KCNQ5: variants seen among roughly 807,000 people sequenced by gnomAD.
KCNQ5 encodes potassium voltage-gated channel subfamily Q member 5, also known as potassium voltage-gated channel subfamily KQT member 5.
In KCNQ5, 30 loss-of-function variants were observed where a neutral mutation model predicts 98.2. That is an observed-to-expected ratio of 0.31 (90% CI 0.23 to 0.41). KCNQ5 has a LOEUF of 0.41. Ranked by LOEUF, KCNQ5 falls within the 10% of genes least tolerant of loss-of-function variation. The probability of loss-of-function intolerance (pLI) is 1.00; values close to 1 mark genes in which losing one functional copy is unlikely to be tolerated. For synonymous variants in KCNQ5, 458 were observed against 449.4 expected (o/e 1.02, Z -0.24); for missense variants, 835 against 1,182.5 (o/e 0.71, Z 4.31).
intron 2 of KCNQ5, 26 bp from the exon 3 acceptor site, chr6:73,041,910 C>G: frequency 6.2e-7 from 1 of 1,613,464 alleles, no homozygotes; most frequent in Non-Finnish European, 8.5e-7. Context: ...ATGCTTCTCT[C>G]TGATATGTCT....
chr6:72,678,995 A>G (rs998401132), intron 1 of KCNQ5, among the ~76,000 whole-genome samples: 2 of 152,232 alleles, frequency 1.3e-5, no homozygotes, highest in African/African-American at 4.8e-5. Context: ...TTATGAAACT[A>G]TGGAAACCAA....
chr6:72,622,541 G>T lies in KCNQ5; in HGVS notation c.352G>T (p.Val118Leu). 6.2e-7 allele frequency: 1 copy of T among 1,611,876 alleles called. No homozygotes were observed. The highest frequency in any genetic ancestry group is 1.1e-5 in the South Asian group (1 of 90,968). ...YRRVQNYLYN[V>L]LERPRGWAFI... ...GCGGGTGCAGAACTACCTGTACAAC[G>T]TGCTGGAGAGACCCCGCGGCTGGGC... The change falls in exon 1 of 14, where the codon GTG (valine) becomes TTG (leucine). Residue 118 changes from valine (V) to leucine (L), a missense_variant. Physicochemically the swap from Val to Leu is conservative, Grantham distance 32. Around this residue, in one of 10 missense-constraint regions of KCNQ5, gnomAD observed 19 missense variants for 29.6 expected, o/e 0.64. Coordinates refer to ENST00000370398, the MANE Select transcript of KCNQ5 (RefSeq NM_019842.4). This position sits in a 1 kb window ranked among gnomAD's most constrained non-coding sequence, Gnocchi z 6.0.
chr6:73,141,823 C>T (rs762247432), intron 10 of KCNQ5, among the ~76,000 whole-genome samples: 34 of 152,210 alleles, frequency 2.2e-4, no homozygotes, highest in Non-Finnish European at 4.3e-4. Flanking sequence ...AATCTGAATG[C>T]TGTATTAGTT....
At chr6:73,063,737 A>AGATAGAT (rs1772926712) in intron 3 of KCNQ5, among the ~76,000 whole-genome samples, 1 of 122,612 alleles carries the variant, frequency 8.2e-6, no homozygotes. Context: ...ATAGATAGAT[A>AGATAGAT]GATAGATAGA....
At chr6:72,666,426 C>A (rs1766818949) in intron 1 of KCNQ5, among the ~76,000 whole-genome samples, 1 of 152,146 alleles carries the variant, frequency 6.6e-6, no homozygotes. Context: ...AACTGAATGA[C>A]TTAAAAATGA....
intron 7 of KCNQ5, among the ~76,000 whole-genome samples, 192 bp downstream of exon 7, chr6:73,111,595 C>T (rs1562185419): frequency 6.6e-6 from 1 of 152,188 alleles, no homozygotes; most frequent in African/African-American, 2.4e-5. Flanking sequence ...CAAACTGAAA[C>T]ACATGTATTT....
At chr6:73,043,386 T>C (rs3798465) in intron 3 of KCNQ5, 36,227 of 159,280 alleles carry the variant, frequency 0.23, 6,273 homozygotes, top group African/African-American at 0.47. Context: ...TCTCCAATAA[T>C]AGGCTTTACT....
intron 1 of KCNQ5, among the ~76,000 whole-genome samples, chr6:72,724,918 G>A (rs997373736): frequency 2.6e-5 from 4 of 152,142 alleles, no homozygotes; most frequent in African/African-American, 9.7e-5. Flanking sequence ...AGAAATACAA[G>A]TCATATATTA....
chr6:73,185,826 T>C (rs1362959385), intron 11 of KCNQ5, among the ~76,000 whole-genome samples: 5 of 152,204 alleles, frequency 3.3e-5, no homozygotes, highest in East Asian at 3.8e-4. Flanking sequence ...GCAGTGGAGA[T>C]GCAAATGAGG....
At chr6:73,032,791 C>A (rs1771209539) in intron 2 of KCNQ5, among the ~76,000 whole-genome samples, 1 of 151,686 alleles carries the variant, frequency 6.6e-6, no homozygotes, top group South Asian at 2.1e-4. Context: ...AAACCTCAAA[C>A]CAATTAAGGT....
intron 5 of KCNQ5, among the ~76,000 whole-genome samples, chr6:73,089,092 C>T (rs1201062055): frequency 6.6e-6 from 1 of 152,210 alleles, no homozygotes; most frequent in Non-Finnish European, 1.5e-5. Context: ...ACCCATAGGG[C>T]TTTCATTCCT....
At position 72,867,069 on chromosome 6, in the gene KCNQ5, T is replaced by G. The variant is rs578135398; in HGVS notation, c.399-136839T>G. On this transcript the variant is annotated intron_variant, in intron 1 of 13. Coordinates refer to ENST00000370398, the MANE Select transcript of KCNQ5 (RefSeq NM_019842.4). Reference sequence around the variant, plus strand: ...AGAGGCTCACCTATTAGTTTAATAGTTCAGTGATAAGTATATGTGTATACA... The same window carrying G: ...AGAGGCTCACCTATTAGTTTAATAGGTCAGTGATAAGTATATGTGTATACA... Among the ~76,000 whole-genome samples the G allele has an allele frequency of 2.6e-4, 39 of 152,302 alleles. 1 individual carries two copies. The South Asian group carries it at 7.7e-3, about 30-fold the overall frequency.
chr6:73,046,928 C>T (rs545184324), intron 3 of KCNQ5, among the ~76,000 whole-genome samples: 1 of 152,234 alleles, frequency 6.6e-6, no homozygotes, highest in South Asian at 2.1e-4. Flanking sequence ...CAAGTGTGAG[C>T]CACCACGCCT....
intron 3 of KCNQ5, among the ~76,000 whole-genome samples, chr6:73,051,619 C>T (rs1772239110): frequency 6.6e-6 from 1 of 150,582 alleles, no homozygotes; most frequent in Non-Finnish European, 1.5e-5. Flanking sequence ...AGCCTTACCC[C>T]CTAAATTCTT....
chr6:72,648,712 A>AT (rs1229028153), intron 1 of KCNQ5, among the ~76,000 whole-genome samples: 32 of 151,952 alleles, frequency 2.1e-4, no homozygotes, highest in Non-Finnish European at 3.5e-4. Context: ...GAATATTTAA[A>AT]TTTTTTTAAA....
At chr6:72,917,454 TTTTTATTTTATTTTA>T (rs199931952) in intron 1 of KCNQ5, among the ~76,000 whole-genome samples, 3 of 147,762 alleles carry the variant, frequency 2.0e-5, no homozygotes, top group East Asian at 2.0e-4. Flanking sequence ...TTTATTTTTA[TTTTTATTTTATTTTA>T]TTTTATTTTA....
chr6:73,043,222 T>G (rs749573812), intron 3 of KCNQ5: 24 of 318,106 alleles, frequency 7.5e-5, no homozygotes, highest in Non-Finnish European at 1.3e-4. Context: ...AGTATGCACA[T>G]CTCAAAAGTC....
chr6:73,133,616 T>C lies in KCNQ5; in HGVS notation c.1443T>C (p.Ser481=). 1 of 1,614,182 alleles carries C rather than the reference T, an allele frequency of 6.2e-7. No individual in the cohort carries two copies. Among genetic ancestry groups the C allele is most frequent in the East Asian group, 2.2e-5 (1 of 44,886 alleles). ...TRFRPSLRLK[S]SQPKPVIDAD... ...TCCGGCCCTCGCTGCGCCTCAAAAGTTCTCAGCCAAAACCAGTGATAGATG... is the reference window on the plus strand; with the variant it reads ...TCCGGCCCTCGCTGCGCCTCAAAAGCTCTCAGCCAAAACCAGTGATAGATG... Residue 481 remains serine, a synonymous_variant, in exon 10 of 14, where the codon AGT becomes AGC. Coordinates refer to ENST00000370398, the MANE Select transcript of KCNQ5 (RefSeq NM_019842.4).
At chr6:73,075,690 ACT>A (rs892984884) in intron 3 of KCNQ5, among the ~76,000 whole-genome samples, 15 of 152,052 alleles carry the variant, frequency 9.9e-5, no homozygotes, top group African/African-American at 1.2e-4. Context: ...AAGAGTGGTA[ACT>A]CTCTTTGGCT....
Sources: gnomAD v4.1 joint callset for allele counts (sites outside exome capture counted in the v4.1 genomes callset) on GRCh38, gnomAD v4.1.1 for gene constraint, gnomAD v4.1.1 regional missense constraint, Gnocchi (gnomAD v3.1) non-coding constraint, MANE v1.5 for transcripts, NCBI Gene and HGNC (gene_info 2026-07-23, HGNC 2026-07-21) for gene names.